RNF152: variants seen among roughly 807,000 people sequenced by gnomAD.
RNF152 encodes ring finger protein 152, also known as E3 ubiquitin-protein ligase RNF152.
In RNF152, 11 loss-of-function variants were observed where a neutral mutation model predicts 12.7. The ratio of observed to expected loss-of-function variants is 0.86; its 90% CI spans 0.54 to 1.43. The LOEUF is 1.43. RNF152 is among the 40% of genes most tolerant of loss of function. The pLI is 0.00. For synonymous variants in RNF152, 113 were observed against 120.3 expected (o/e 0.94, Z 0.40); for missense variants, 255 against 274.8 (o/e 0.93, Z 0.51).
At position 61,815,967 on chromosome 18, in the gene RNF152, C is replaced by G; in HGVS notation, c.497G>C (p.Trp166Ser). ...CAAGATGACAGTGCACACCCCCGAC[C>G]AGGTGGAGCTTTTCACCACGCCCCG... ...DRRGVVKSST[W>S]SGVCTVILVA... is the part of the protein sequence containing the mutation. Residue 166 changes from tryptophan (W) to serine (S), a missense_variant, in exon 2 of 2, where the codon TGG (tryptophan) becomes TCG (serine). Transcript: ENST00000312828. The G allele has an allele frequency of 6.2e-7, 1 of 1,614,222 alleles. No homozygotes were observed.
chr18:61,881,889 TA>T (rs1912479134), intron 1 of RNF152, among the ~76,000 whole-genome samples: 1 of 152,238 alleles, frequency 6.6e-6, no homozygotes, highest in African/African-American at 2.4e-5. Context: ...AGTCTTCTTA[TA>T]GGACAGTGTG....
chr18:61,836,452 C>T (rs541389680), intron 1 of RNF152, among the ~76,000 whole-genome samples: 1 of 152,016 alleles, frequency 6.6e-6, no homozygotes, highest in South Asian at 2.1e-4. Flanking sequence ...AGGGTAAGGC[C>T]CTAAGATGGG....
chr18:61,874,518 G>C (rs114501728), intron 1 of RNF152, among the ~76,000 whole-genome samples: 1 of 152,206 alleles, frequency 6.6e-6, no homozygotes, highest in Non-Finnish European at 1.5e-5. Context: ...TCCTTAAGGA[G>C]GCAGAACTAG....
intron 1 of RNF152, among the ~76,000 whole-genome samples, chr18:61,844,138 G>GAAAGAAAGAAAT (rs1401596683): frequency 2.3e-5 from 3 of 127,876 alleles, no homozygotes; most frequent in African/African-American, 5.9e-5. Flanking sequence ...AAGAAAGAAA[G>GAAAGAAAGAAAT]AAATTAAGAG....
chr18:61,845,689 A>C (rs1167491826), intron 1 of RNF152, among the ~76,000 whole-genome samples: 1 of 152,182 alleles, frequency 6.6e-6, no homozygotes, highest in African/African-American at 2.4e-5. Flanking sequence ...TGCACTTGCA[A>C]TCTTCATTCT....
At chr18:61,820,020 C>CAAAA (rs1165545204) in intron 1 of RNF152, among the ~76,000 whole-genome samples, 7 of 64,372 alleles carry the variant, frequency 1.1e-4, no homozygotes, top group African/African-American at 2.6e-4. Flanking sequence ...GACACTATCT[C>CAAAA]AAAAAAAAAA....
chr18:61,861,238 T>G (rs1184933581), intron 1 of RNF152, among the ~76,000 whole-genome samples: 1 of 152,232 alleles, frequency 6.6e-6, no homozygotes, highest in Non-Finnish European at 1.5e-5. Flanking sequence ...CAACTTCCAG[T>G]CCTGCAAGCT....
Position 61,816,092 on chromosome 18 carries a change from C to A in RNF152, c.372G>T (p.Gly124=), listed in dbSNP as rs553708457. The change falls in exon 2 of 2, where the codon GGG becomes GGT. Residue 124 remains glycine, a synonymous_variant. Coordinates refer to ENST00000312828, the MANE Select transcript of RNF152 (RefSeq NM_173557.3). ...PGDMGCRLLP[G]SQQKSVTVVT... ...CCACGGTGACGGACTTCTGCTGGCT[C>A]CCGGGCAGCAGGCGGCAGCCCATGT... 3.1e-6 allele frequency: 5 copies of A among 1,614,198 alleles called. No homozygotes were observed. Among genetic ancestry groups the A allele is most frequent in the Non-Finnish European group, 3.4e-6 (4 of 1,180,034 alleles).
At position 61,816,279 on chromosome 18, in the gene RNF152, G is replaced by C; in HGVS notation, c.185C>G (p.Pro62Arg). ...CGGGAGCTGCGACACGGAGAAGCCG[G>C]GAGGCAGCTTGGTGACACCGCGGCA... ...PWCRGVTKLP[P>R]GFSVSQLPDD... Residue 62 changes from proline to arginine, a missense_variant, in exon 2 of 2, where the codon CCC becomes CGC. Physicochemically the swap from Pro to Arg is moderately radical, Grantham distance 103 (BLOSUM62 -2). Transcript: ENST00000312828. The C allele has an allele frequency of 6.2e-7, 1 of 1,614,238 alleles. No homozygotes were observed. The highest frequency in any genetic ancestry group is 8.5e-7 in the Non-Finnish European group (1 of 1,180,048).
chr18:61,838,946 T>C (rs1044875024), intron 1 of RNF152, among the ~76,000 whole-genome samples: 1 of 151,880 alleles, frequency 6.6e-6, no homozygotes, highest in African/African-American at 2.4e-5. Flanking sequence ...TATTAGAAAC[T>C]GCCCATTCAC....
intron 1 of RNF152, among the ~76,000 whole-genome samples, chr18:61,825,913 T>C (rs758987393): frequency 6.6e-6 from 1 of 152,202 alleles, no homozygotes; most frequent in Non-Finnish European, 1.5e-5. Flanking sequence ...CTTAAGTCAA[T>C]TTGTTGGCTT....
chr18:61,821,111 T>C (rs368763426), intron 1 of RNF152, among the ~76,000 whole-genome samples: 3 of 152,356 alleles, frequency 2.0e-5, no homozygotes, highest in African/African-American at 7.2e-5. Flanking sequence ...AGCTGCCACT[T>C]GGAACAGCTT....
At chr18:61,889,635 A>G (rs529481128) in intron 1 of RNF152, among the ~76,000 whole-genome samples, 1 of 152,352 alleles carries the variant, frequency 6.6e-6, no homozygotes, top group East Asian at 1.9e-4. Context: ...TAGTCCTGTG[A>G]CCAGAAAAAG....
chr18:61,871,757 G>C (rs556350873), intron 1 of RNF152, among the ~76,000 whole-genome samples: 1 of 152,168 alleles, frequency 6.6e-6, no homozygotes, highest in Admixed American at 6.5e-5. Flanking sequence ...GCCCACCTTG[G>C]AGCTGCAGAG....
At chr18:61,860,189 G>A (rs760951499) in intron 1 of RNF152, among the ~76,000 whole-genome samples, 12 of 152,118 alleles carry the variant, frequency 7.9e-5, no homozygotes, top group Non-Finnish European at 1.5e-4. Flanking sequence ...TGGGCCTGCC[G>A]ACACCATGCC....
At chr18:61,856,397 A>G (rs547652904) in intron 1 of RNF152, among the ~76,000 whole-genome samples, 2 of 152,282 alleles carry the variant, frequency 1.3e-5, no homozygotes, top group African/African-American at 4.8e-5. Flanking sequence ...CACAGCGCCT[A>G]CTTCTTTCAT....
intron 1 of RNF152, among the ~76,000 whole-genome samples, chr18:61,858,742 C>G (rs1298858991): frequency 6.6e-6 from 1 of 152,182 alleles, no homozygotes; most frequent in Non-Finnish European, 1.5e-5. Flanking sequence ...CCCATCATCA[C>G]CCCTGGCTAT....
At chr18:61,831,787 TA>T (rs1206383981) in intron 1 of RNF152, among the ~76,000 whole-genome samples, 1 of 152,118 alleles carries the variant, frequency 6.6e-6, no homozygotes, top group Non-Finnish European at 1.5e-5. Flanking sequence ...ACTTCTATTT[TA>T]AAAAGTGTCC....
chr18:61,815,889 C>T lies in RNF152; in HGVS notation c.575G>A (p.Cys192Tyr). ...LLGIVLHNMSCISKRFTVISC... is the reference protein window; with the variant it reads ...LLGIVLHNMSYISKRFTVISC... ...TATCACAGTGAAGCGCTTAGAAATGCAAGACATGTTGTGAAGCACGATGCC... is the reference window on the plus strand; with the variant it reads ...TATCACAGTGAAGCGCTTAGAAATGTAAGACATGTTGTGAAGCACGATGCC... The change falls in exon 2 of 2, where the codon TGC becomes TAC. Residue 192 changes from cysteine (C) to tyrosine (Y), a missense_variant. By Grantham distance (194) the Cys-to-Tyr change is radical. Transcript: ENST00000312828. The T allele has an allele frequency of 6.2e-7, 1 of 1,614,214 alleles. No individual in the cohort carries two copies. The highest frequency in any genetic ancestry group is 8.5e-7 in the Non-Finnish European group (1 of 1,180,034).
Sources: gnomAD v4.1 joint callset for allele counts (sites outside exome capture counted in the v4.1 genomes callset) on GRCh38, gnomAD v4.1.1 for gene constraint, MANE v1.5 for transcripts, NCBI Gene and HGNC (gene_info 2026-07-23, HGNC 2026-07-21) for gene names.